The following NAV2 variants were observed in gnomAD, a reference collection of about 807,000 sequenced individuals.
The protein encoded by NAV2 is helicase, APC down-regulated 1.
A neutral mutation model predicts 223.2 loss-of-function variants in NAV2; 54 were observed. The observed-to-expected ratio is 0.24, with a 90% CI of 0.19 to 0.30. The LOEUF is 0.30. Ranked by LOEUF, NAV2 falls within the 10% of genes least tolerant of loss-of-function variation. The probability of loss-of-function intolerance (pLI) is 1.00; values close to 1 mark genes in which losing one functional copy is unlikely to be tolerated. For synonymous variants in NAV2, 1,279 were observed against 1,239.3 expected (o/e 1.03, Z -0.67); for missense variants, 2,806 against 3,147.5 (o/e 0.89, Z 2.60).
At chr11:19,685,859 T>C (rs912681178) in intron 1 of NAV2, among the ~76,000 whole-genome samples, 7 of 152,186 alleles carry the variant, frequency 4.6e-5, no homozygotes, top group Admixed American at 3.3e-4. Flanking sequence ...TCCCACGCTC[T>C]GCACCAAGAG....
At chr11:19,703,187 C>A (rs2049560420) in intron 1 of NAV2, among the ~76,000 whole-genome samples, 2 of 151,950 alleles carry the variant, frequency 1.3e-5, no homozygotes, top group Admixed American at 6.6e-5. Flanking sequence ...GTTAAATTAT[C>A]CACTATTGAG....
intron 1 of NAV2, among the ~76,000 whole-genome samples, chr11:19,405,213 G>A (rs1849843760): frequency 6.6e-6 from 1 of 152,218 alleles, no homozygotes; most frequent in Non-Finnish European, 1.5e-5. Flanking sequence ...GCTCTGCCAA[G>A]TGAGTGGGCT....
chr11:19,446,674 G>A (rs968290347), intron 1 of NAV2, among the ~76,000 whole-genome samples: 4 of 152,166 alleles, frequency 2.6e-5, no homozygotes, highest in East Asian at 1.9e-4. Flanking sequence ...CTGCCTGCCT[G>A]CCGCCAGAGT....
rs117295236 is a variant in NAV2 at position 19,627,481 on chromosome 11, A to G, written c.76-205003A>G. On this transcript the variant is annotated intron_variant, in intron 1 of 37. Coordinates refer to the NAV2 transcript ENST00000360655. Reference sequence around the variant, plus strand: ...AGGCCATGGAAGTGGGAGGTTTTTCATGCATGAAATTCTCTGGTCACAGCC... The same window carrying G: ...AGGCCATGGAAGTGGGAGGTTTTTCGTGCATGAAATTCTCTGGTCACAGCC... Among the ~76,000 whole-genome samples, 1,348 of 152,104 alleles carry G rather than the reference A, an allele frequency of 8.9e-3. 14 individuals carry two copies. The highest frequency in any genetic ancestry group is 0.013 in the Non-Finnish European group (893 of 67,988).
intron 1 of NAV2, among the ~76,000 whole-genome samples, chr11:19,475,143 G>A (rs2042078451): frequency 6.6e-6 from 1 of 152,238 alleles, no homozygotes; most frequent in African/African-American, 2.4e-5. Flanking sequence ...GGAAGGCTAA[G>A]GACAGATGAT....
intron 1 of NAV2, among the ~76,000 whole-genome samples, chr11:19,572,600 A>G (rs2045459250): frequency 6.6e-6 from 1 of 152,190 alleles, no homozygotes; most frequent in Non-Finnish European, 1.5e-5. Context: ...CTTGTTAGTA[A>G]TAATAATGAC....
intron 6 of NAV2, among the ~76,000 whole-genome samples, chr11:19,896,019 T>C (rs566091280): frequency 1.3e-5 from 2 of 152,272 alleles, no homozygotes; most frequent in East Asian, 3.9e-4. Context: ...AGCTGAGGTG[T>C]GGACTGTTTT....
chr11:19,415,632 A>G lies in NAV2; in HGVS notation c.75+64605A>G, dbSNP rs1850333924. On this transcript the variant is annotated intron_variant, in intron 1 of 37. Transcript: ENST00000360655. ...ATCCTGATACCAAAACCTGGCAGAGACACAACAAAAAAAGAAAATTTCAGG... is the reference window on the plus strand; with the variant it reads ...ATCCTGATACCAAAACCTGGCAGAGGCACAACAAAAAAAGAAAATTTCAGG... Among the ~76,000 whole-genome samples, 4 of 152,312 alleles carry G rather than the reference A, an allele frequency of 2.6e-5. No homozygotes were observed. In the South Asian group the frequency reaches 8.3e-4, roughly 32 times the overall value.
chr11:19,625,143 T>C (rs551684464), intron 1 of NAV2, among the ~76,000 whole-genome samples: 3 of 152,182 alleles, frequency 2.0e-5, no homozygotes, highest in Admixed American at 6.5e-5. Flanking sequence ...CCCACAGTGG[T>C]ATAGAACACT....
At chr11:19,682,317 A>G (rs1240724048) in intron 1 of NAV2, among the ~76,000 whole-genome samples, 2 of 152,230 alleles carry the variant, frequency 1.3e-5, no homozygotes, top group Non-Finnish European at 2.9e-5. Flanking sequence ...CACATGCCTT[A>G]TCTCATAATC....
At chr11:19,647,541 G>A (rs2047851756) in intron 1 of NAV2, among the ~76,000 whole-genome samples, 4 of 152,066 alleles carry the variant, frequency 2.6e-5, no homozygotes, top group African/African-American at 7.2e-5. Context: ...TGAGGAAACC[G>A]AGGCTTGGGA....
chr11:19,823,333 A>G (rs2059475994), intron 1 of NAV2, among the ~76,000 whole-genome samples: 1 of 152,036 alleles, frequency 6.6e-6, no homozygotes, highest in Non-Finnish European at 1.5e-5. Context: ...TCAGCCTCCC[A>G]AGTAGCTGGG....
chr11:20,016,086 G>A (rs2053981693), intron 11 of NAV2, among the ~76,000 whole-genome samples: 1 of 152,230 alleles, frequency 6.6e-6, no homozygotes, highest in Admixed American at 6.5e-5. Flanking sequence ...AGAATTAAAT[G>A]AGATGAGATG....
intron 1 of NAV2, among the ~76,000 whole-genome samples, chr11:19,429,290 C>T (rs544152084): frequency 1.8e-3 from 281 of 152,330 alleles, no homozygotes; most frequent in African/African-American, 5.8e-3. Context: ...CTTCTTGGCA[C>T]GGCCAAGGGG....
intron 1 of NAV2, among the ~76,000 whole-genome samples, chr11:19,741,723 A>C (rs1327218603): frequency 3.9e-5 from 5 of 127,134 alleles, no homozygotes; most frequent in Admixed American, 3.3e-4. Flanking sequence ...ATATATATAT[A>C]TATATCACAA....
chr11:20,023,504 CTTAAGTCG>C (rs1479302124), intron 11 of NAV2, among the ~76,000 whole-genome samples: 1 of 152,096 alleles, frequency 6.6e-6, no homozygotes, highest in Non-Finnish European at 1.5e-5. Flanking sequence ...ACCTAGCTGT[CTTAAGTCG>C]TTATTCCGGA....
At chr11:19,707,778 G>A (rs985668417) in intron 1 of NAV2, among the ~76,000 whole-genome samples, 2 of 152,094 alleles carry the variant, frequency 1.3e-5, no homozygotes, top group African/African-American at 2.4e-5. Flanking sequence ...TATAAAACTT[G>A]CAGCACAGTA....
At chr11:19,376,045 C>T (rs1400536002) in intron 1 of NAV2, among the ~76,000 whole-genome samples, 1 of 152,138 alleles carries the variant, frequency 6.6e-6, no homozygotes, top group Non-Finnish European at 1.5e-5. Flanking sequence ...AGGTAGCCTT[C>T]ATTAATTATC....
chr11:19,412,319 G>A (rs187052806), intron 1 of NAV2, among the ~76,000 whole-genome samples: 12 of 152,330 alleles, frequency 7.9e-5, no homozygotes, highest in Non-Finnish European at 1.2e-4. Context: ...AGTTCGAACT[G>A]GGTGGAGCCC....
Sources: gnomAD v4.1 joint callset for allele counts (sites outside exome capture counted in the v4.1 genomes callset) on GRCh38, gnomAD v4.1.1 for gene constraint, MANE v1.5 for transcripts, NCBI Gene and HGNC (gene_info 2026-07-23, HGNC 2026-07-21) for gene names.